XIAP: variants seen among roughly 807,000 people sequenced by gnomAD.
XIAP encodes the protein X-linked inhibitor of apoptosis, also known as E3 ubiquitin-protein ligase XIAP.
In XIAP, 3 loss-of-function variants were observed where a neutral mutation model predicts 33.1. That is an observed-to-expected ratio of 0.09 (90% CI 0.04 to 0.23). XIAP has a LOEUF of 0.23. XIAP is among the 10% of genes least tolerant of loss of function. The pLI, the probability that XIAP is intolerant of heterozygous loss-of-function variation, is 1.00. For missense variants in XIAP, 264 were observed against 363.0 expected (o/e 0.73, Z 2.22); for synonymous variants, 98 against 121.3 (o/e 0.81, Z 1.26).
In XIAP at chrX:123,882,981, G is replaced by T. The variant is rs1449740280; in HGVS notation, c.-32-2650G>T. ...TTCTTTTTTATTTTTTTTTAGTAGA[G>T]ACGGGGTTTCTCCATTTTGGTCAGG... On this transcript the variant is annotated intron_variant, in intron 1 of 6. Coordinates refer to ENST00000371199, the MANE Select transcript of XIAP (RefSeq NM_001167.4). Among the ~76,000 whole-genome samples, 3 of 110,174 alleles carry T rather than the reference G, an allele frequency of 2.7e-5. No individual in the cohort carries two copies. The Admixed American group carries it at 2.9e-4, about 11-fold the overall frequency.
At position 123,869,362 on chromosome X, in the gene XIAP, C is replaced by CAAAAAAAAAAAAAAAAAAA. The variant is rs57436822; in HGVS notation, c.-33+9073_-33+9091dup. 2.0e-3 allele frequency among the ~76,000 whole-genome samples: 58 copies of CAAAAAAAAAAAAAAAAAAA among 29,717 alleles called. 6 individuals carry two copies. The highest frequency in any genetic ancestry group is 2.9e-3 in the African/African-American group (19 of 6,660). The allele number at this position is 29,717 out of a possible 115,157, so 25.8% of individuals were successfully genotyped here. On this transcript the variant is annotated intron_variant, in intron 1 of 6. Transcript: ENST00000371199. ...AAACCCCATCTCTACTAAAAAAATACAAAAAAAAAAAAAAAAAAAAAAGCT... is the reference window on the plus strand; with the variant it reads ...AAACCCCATCTCTACTAAAAAAATACAAAAAAAAAAAAAAAAAAAAAAAAAAAAAAAAAAAAAAAAAGCT...
rs1191160562 is a variant in XIAP at position 123,865,502 on chromosome X, C to G, written c.-33+5209C>G. On this transcript the variant is annotated intron_variant, in intron 1 of 6. Transcript: ENST00000371199. ...CAGCACTTTGGGAGACTGAGGCGGG[C>G]GGATCACGAGGTCAGGAGATCTAGA... Among the ~76,000 whole-genome samples the G allele has an allele frequency of 3.7e-5, 4 of 106,958 alleles. No individual in the cohort carries two copies. The Admixed American group carries it at 4.0e-4, about 11-fold the overall frequency. The allele number at this position is 106,958 out of a possible 115,157, so 92.9% of individuals were successfully genotyped here. A position where few individuals can be genotyped will look rare whatever the true frequency, so the allele number is the denominator to read the frequency against.
At position 123,908,051 on chromosome X, in the gene XIAP, G is replaced by C. The variant is rs185823003; in HGVS notation, c.*870G>C. On this transcript the variant is annotated 3_prime_UTR_variant, in exon 7 of 7. Transcript: ENST00000371199. ...TTTGTTCTGTTCGAATTTTTTATAA[G>C]TATGTATTACTTTTGTAATCAGAAT... 112 of 368,139 alleles carry C rather than the reference G, an allele frequency of 3.0e-4. No individual in the cohort carries two copies. The highest frequency in any genetic ancestry group is 2.5e-3 in the African/African-American group (98 of 39,492). 30.3% of individuals were successfully genotyped at this position (368,139 alleles called of 1,213,427 possible).
In XIAP at chrX:123,885,777, G is replaced by T. The variant is rs775237858; in HGVS notation, c.115G>T (p.Gly39Cys). 74 of 1,210,133 alleles carry T rather than the reference G, an allele frequency of 6.1e-5. No homozygotes were observed. Among genetic ancestry groups the T allele is most frequent in the Non-Finnish European group, 7.7e-5 (69 of 895,305 alleles). The part of the protein sequence containing the change: ...RLKTFANFPS[G>C]SPVSASTLAR... ...AAAAACTTTTGCTAATTTTCCAAGT[G>T]GTAGTCCTGTTTCAGCATCAACACT... The change falls in exon 2 of 7, where the codon GGT becomes TGT. Residue 39 changes from glycine (G) to cysteine (C), a missense_variant. Physicochemically the swap from Gly to Cys is radical, Grantham distance 159 (BLOSUM62 -3). Transcript: ENST00000371199.
At chrX:123,859,903 G>C, upstream of XIAP, 1 of 255,996 alleles carries the variant, frequency 3.9e-6, no homozygotes, top group South Asian at 3.6e-5. Flanking sequence ...CCCGGCCCAA[G>C]TGGTAAGTTG....
intron 5 of XIAP, among the ~76,000 whole-genome samples, chrX:123,899,208 T>C (rs1461138361): frequency 2.6e-5 from 1 of 37,784 alleles, no homozygotes; most frequent in Non-Finnish European, 4.9e-5. Flanking sequence ...TGATTGTGTA[T>C]ATATATATGA....
rs1384918507 is a variant in XIAP, at chrX:123,908,191, T to C, written c.*1010T>C. ...AAGAAGGCAGGGCAGTTAACCTTTTTGGTGCCAATGTGAAATGTAAATGAT... is the reference window on the plus strand; with the variant it reads ...AAGAAGGCAGGGCAGTTAACCTTTTCGGTGCCAATGTGAAATGTAAATGAT... On this transcript the variant is annotated 3_prime_UTR_variant, in exon 7 of 7. Transcript: ENST00000371199. The C allele has an allele frequency of 5.5e-6, 2 of 362,697 alleles. No individual in the cohort carries two copies. The highest frequency in any genetic ancestry group is 1.0e-5 in the Non-Finnish European group (2 of 190,478). The allele number at this position is 362,697 out of a possible 1,213,427, so 29.9% of individuals were successfully genotyped here.
intron 1 of XIAP, among the ~76,000 whole-genome samples, chrX:123,883,117 C>T (rs2053318818): frequency 9.1e-6 from 1 of 110,203 alleles, no homozygotes; most frequent in Non-Finnish European, 1.9e-5. Flanking sequence ...GAGCCTCGCT[C>T]TGTCGCCCAG....
At chrX:123,899,144 A>AAAAAATATAT (rs1186271285) in intron 5 of XIAP, among the ~76,000 whole-genome samples, 1 of 50,184 alleles carries the variant, frequency 2.0e-5, no homozygotes, top group Non-Finnish European at 3.5e-5. Context: ...AAAAAAAAAA[A>AAAAAATATAT]ATATATATAT....
At chrX:123,867,557 G>A (rs2053153584) in intron 1 of XIAP, among the ~76,000 whole-genome samples, 1 of 108,476 alleles carries the variant, frequency 9.2e-6, no homozygotes, top group Non-Finnish European at 1.9e-5. Flanking sequence ...TATTTTTAGT[G>A]GAGGCATGGT....
At chrX:123,903,902 G>A (rs2053537610) in intron 6 of XIAP, among the ~76,000 whole-genome samples, 1 of 108,993 alleles carries the variant, frequency 9.2e-6, no homozygotes, top group Non-Finnish European at 1.9e-5. Flanking sequence ...GCAATGAGCT[G>A]TGATTGCACC....
intron 3 of XIAP, among the ~76,000 whole-genome samples, chrX:123,889,833 T>G (rs1247140872): frequency 9.1e-6 from 1 of 109,837 alleles, no homozygotes; most frequent in Non-Finnish European, 1.9e-5. Flanking sequence ...GATTATCCAA[T>G]TTTTAAATAC....
chrX:123,896,789 G>T (rs1368746961), intron 5 of XIAP, among the ~76,000 whole-genome samples: 1 of 107,806 alleles, frequency 9.3e-6, no homozygotes, highest in African/African-American at 3.4e-5. Flanking sequence ...TCACCATGTT[G>T]GCCAGGCTTG....
chrX:123,886,537 T>C lies in XIAP; in HGVS notation c.875T>C (p.Leu292Ser). The C allele has an allele frequency of 1.7e-6, 2 of 1,201,949 alleles. No individual in the cohort carries two copies. The highest frequency in any genetic ancestry group is 2.2e-6 in the Non-Finnish European group (2 of 895,384). Residue 292 changes from leucine to serine, a missense_variant and splice_region_variant, in exon 2 of 7, where the codon TTA (leucine) becomes TCA (serine). Leu to Ser is a moderately radical substitution (Grantham distance 145, BLOSUM62 -2). Transcript: ENST00000371199. ...CTTGCAAGAGCTGGATTTTATGCTT[T>C]AGGTAAACTTTATTATAAAACCAAT... ...EQLARAGFYA[L>S]GEGDKVKCFH... is the part of the protein sequence containing the mutation.
chrX:123,881,231 C>G (rs1187634344), intron 1 of XIAP, among the ~76,000 whole-genome samples: 1 of 111,298 alleles, frequency 9.0e-6, no homozygotes, highest in East Asian at 2.8e-4. Flanking sequence ...GCACCCACAC[C>G]TTTTCACTTC....
At chrX:123,906,241 A>G (rs1374248009) in intron 6 of XIAP, among the ~76,000 whole-genome samples, 1 of 111,929 alleles carries the variant, frequency 8.9e-6, no homozygotes. Flanking sequence ...AGTGCCACCT[A>G]TATGCTGATG....
At chrX:123,897,564 CT>C (rs773044284) in intron 5 of XIAP, among the ~76,000 whole-genome samples, 111 of 103,522 alleles carry the variant, frequency 1.1e-3, no homozygotes, top group Admixed American at 9.4e-4. Flanking sequence ...TCTGGAAAGA[CT>C]TTTTTTTTTT....
intron 5 of XIAP, among the ~76,000 whole-genome samples, chrX:123,896,256 A>C (rs1257501885): frequency 9.4e-6 from 1 of 105,884 alleles, no homozygotes; most frequent in East Asian, 3.0e-4. Flanking sequence ...TTATAGAGAG[A>C]AGGTTTCGCC....
At chrX:123,892,889 C>G (rs1259074298) in intron 5 of XIAP, 116 bp downstream of exon 5, 2 of 627,823 alleles carry the variant, frequency 3.2e-6, no homozygotes, top group Admixed American at 2.8e-5. Flanking sequence ...GGTGCGATCT[C>G]AGCTCACTGC....
Sources: allele counts gnomAD v4.1 joint callset (sites outside exome capture counted in the v4.1 genomes callset), GRCh38; gene constraint gnomAD v4.1.1; transcripts MANE v1.5; gene names NCBI Gene and HGNC (gene_info 2026-07-23, HGNC 2026-07-21).